SLC10A1: variants seen among roughly 807,000 people sequenced by gnomAD.
The protein encoded by SLC10A1 is solute carrier family 10 member 1, also known as hepatic sodium/bile acid cotransporter.
A neutral mutation model predicts 20.5 loss-of-function variants in SLC10A1; 36 were observed. That is an observed-to-expected ratio of 1.75 (90% CI 1.34 to 2.32). SLC10A1 has a LOEUF of 2.32. Among genes scored for constraint, SLC10A1 ranks in the 30% most tolerant of loss-of-function variants. The pLI, the probability that SLC10A1 is intolerant of heterozygous loss-of-function variation, is 0.00. For synonymous variants in SLC10A1, 188 were observed against 163.6 expected, an observed-to-expected ratio of 1.15 and a Z score of -1.14; for missense variants, 545 against 439.1, an observed-to-expected ratio of 1.24 and a Z score of -2.16.
At position 69,796,941 on chromosome 14, in the gene SLC10A1, A is replaced by T; in HGVS notation, c.215T>A (p.Met72Lys). 1 of 1,614,216 alleles carries T rather than the reference A, an allele frequency of 6.2e-7. No individual in the cohort carries two copies. Among genetic ancestry groups the T allele is most frequent in the Non-Finnish European group, 8.5e-7 (1 of 1,180,014 alleles). ...AIALVAQYGI[M>K]PLTAFVLGKV... ...GCCCAGCACAAAGGCCGTGAGGGGC[A>T]TGATGCCATACTGTGCCACCAGGGC... is the stretch of plus-strand genomic sequence containing the variant. Residue 72 changes from methionine to lysine, a missense_variant, in exon 1 of 5, where the codon ATG (methionine) becomes AAG (lysine). Met to Lys is a moderately conservative substitution (Grantham distance 95). Coordinates refer to ENST00000216540, the MANE Select transcript of SLC10A1 (RefSeq NM_003049.4).
intron 2 of SLC10A1, among the ~76,000 whole-genome samples, chr14:69,784,930 C>CT (rs1883676781): frequency 6.6e-6 from 1 of 152,168 alleles, no homozygotes. Context: ...AAAAACTACT[C>CT]TTGAGACAAT....
intron 1 of SLC10A1, among the ~76,000 whole-genome samples, chr14:69,792,848 AAAGC>A (rs544968351): frequency 6.6e-6 from 1 of 152,104 alleles, no homozygotes; most frequent in Non-Finnish European, 1.5e-5. Context: ...AAAAAAAAAA[AAAGC>A]AAGCTGTTAG....
intron 1 of SLC10A1, among the ~76,000 whole-genome samples, chr14:69,793,872 T>G (rs760871541): frequency 1.2e-4 from 19 of 152,228 alleles, no homozygotes; most frequent in Non-Finnish European, 2.4e-4. Context: ...CTTGCCTGTT[T>G]GTCACCTACA....
rs1051914364 is a variant in SLC10A1, at chr14:69,796,733, C to T, written c.356+67G>A. The T allele has an allele frequency of 1.3e-5, 17 of 1,311,538 alleles. No homozygotes were observed. The African/African-American group carries it at 2.2e-4, about 17-fold the overall frequency. The allele number at this position is 1,311,538 out of a possible 1,614,324, so 81.2% of individuals were successfully genotyped here. ...TTTCCTGGCTTTAGCCCAGCTCTTC[C>T]CCTCAATTGTGACATATCTAATGTA... is the stretch of plus-strand genomic sequence containing the variant. On this transcript the variant is annotated intron_variant, in intron 1 of 4. Coordinates refer to ENST00000216540, the MANE Select transcript of SLC10A1 (RefSeq NM_003049.4).
At chr14:69,782,895 C>T (rs1323340018) in intron 2 of SLC10A1, among the ~76,000 whole-genome samples, 1 of 151,672 alleles carries the variant, frequency 6.6e-6, no homozygotes, top group Non-Finnish European at 1.5e-5. Context: ...AGAAAAGAGA[C>T]ATGTTCTCAC....
chr14:69,779,450 A>G (rs1355972898), intron 2 of SLC10A1, 90 bp from the exon 3 acceptor site: 4 of 948,996 alleles, frequency 4.2e-6, no homozygotes, highest in Non-Finnish European at 3.1e-6. Flanking sequence ...TGGAGGTGGG[A>G]AACATTGCAA....
chr14:69,784,711 T>G (rs958893944), intron 2 of SLC10A1, among the ~76,000 whole-genome samples: 6 of 152,218 alleles, frequency 3.9e-5, no homozygotes, highest in Admixed American at 1.3e-4. Flanking sequence ...AATACAGAGA[T>G]ATTTTAGAAA....
At chr14:69,781,436 C>G (rs999557414) in intron 2 of SLC10A1, among the ~76,000 whole-genome samples, 3 of 152,200 alleles carry the variant, frequency 2.0e-5, no homozygotes, top group Non-Finnish European at 4.4e-5. Context: ...ACAAAGGTGG[C>G]CCGCACAGGC....
chr14:69,790,985 A>T (rs973914769), intron 1 of SLC10A1, among the ~76,000 whole-genome samples: 9 of 151,224 alleles, frequency 6.0e-5, no homozygotes, highest in Non-Finnish European at 8.8e-5. Context: ...ACTAGAAACA[A>T]ATATATATAT....
intron 2 of SLC10A1, among the ~76,000 whole-genome samples, 157 bp downstream of exon 2, chr14:69,785,940 A>G (rs2139716876): frequency 1.3e-5 from 2 of 149,124 alleles, no homozygotes; most frequent in East Asian, 4.0e-4. Context: ...CAAATATCAA[A>G]CTCTGGTGAC....
At chr14:69,793,992 G>C (rs1165854560) in intron 1 of SLC10A1, among the ~76,000 whole-genome samples, 11 of 152,188 alleles carry the variant, frequency 7.2e-5, no homozygotes, top group African/African-American at 2.7e-4. Flanking sequence ...GCTGTCCCCA[G>C]ACTGACTCCA....
rs997345232 is a variant in SLC10A1 at position 69,791,494 on chromosome 14, G to T, written c.357-5187C>A. The stretch of plus-strand genomic sequence containing the variant: ...TTTTTGTATTTTTAGGAGAGACGGG[G>T]TTTCACCGTGTTAGCCAGGATGGTT... On this transcript the variant is annotated intron_variant, in intron 1 of 4. Transcript: ENST00000216540. 4.6e-5 allele frequency among the ~76,000 whole-genome samples: 7 copies of T among 152,244 alleles called. No individual in the cohort carries two copies. In the East Asian group the frequency reaches 5.8e-4, roughly 13 times the overall value.
At position 69,787,427 on chromosome 14, in the gene SLC10A1, A is replaced by T. The variant is rs1883745269; in HGVS notation, c.357-1120T>A. Among the ~76,000 whole-genome samples the T allele has an allele frequency of 2.6e-5, 4 of 152,290 alleles. No homozygotes were observed. The South Asian group carries it at 6.2e-4, about 24-fold the overall frequency. The stretch of plus-strand genomic sequence containing the variant: ...TTATTCCAGTGGGAAGATGGTTGGG[A>T]GGTGAGGGCTTGGCAAGATCTTAGG... On this transcript the variant is annotated intron_variant, in intron 1 of 4. Transcript: ENST00000216540.
chr14:69,796,775 G>A (rs1330316320), intron 1 of SLC10A1, 25 bp downstream of exon 1: 1 of 1,576,760 alleles, frequency 6.3e-7, no homozygotes, highest in Non-Finnish European at 8.7e-7. Flanking sequence ...GTCCCAGGCT[G>A]TTCCCTCCTC....
chr14:69,777,588 TTTTTTTTTTTTTTTTTTAAAA>T, intron 4 of SLC10A1, among the ~76,000 whole-genome samples: 1 of 93,202 alleles, frequency 1.1e-5, no homozygotes, highest in South Asian at 4.1e-4. Context: ...GTTTTTTTTT[TTTTTTTTTTTTTTTTTTAAAA>T]TTGGTGTTAA....
At chr14:69,778,675 A>G in intron 3 of SLC10A1, 146 bp from the exon 4 acceptor site, 1 of 631,898 alleles carries the variant, frequency 1.6e-6, no homozygotes, top group South Asian at 2.7e-5. Context: ...GTGTTTGGAT[A>G]CCTTTGGTGT....
intron 1 of SLC10A1, among the ~76,000 whole-genome samples, chr14:69,787,567 A>G (rs1023801045): frequency 6.6e-6 from 1 of 152,216 alleles, no homozygotes; most frequent in African/African-American, 2.4e-5. Context: ...AGAGCAGCCT[A>G]TATCAAAGGT....
chr14:69,784,435 C>T (rs1008887725), intron 2 of SLC10A1, among the ~76,000 whole-genome samples: 1 of 151,980 alleles, frequency 6.6e-6, no homozygotes, highest in African/African-American at 2.4e-5. Context: ...ATAATGGAAA[C>T]GAATTGCTGA....
intron 3 of SLC10A1, 95 bp downstream of exon 3, chr14:69,779,086 TG>T: frequency 1.1e-6 from 1 of 905,904 alleles, no homozygotes; most frequent in Non-Finnish European, 1.6e-6. Flanking sequence ...AGTTAAACCC[TG>T]GAGGTTGAGG....
Sources: gnomAD v4.1 joint callset for allele counts (sites outside exome capture counted in the v4.1 genomes callset) on GRCh38, gnomAD v4.1.1 for gene constraint, MANE v1.5 for transcripts, NCBI Gene and HGNC (gene_info 2026-07-23, HGNC 2026-07-21) for gene names.